PPM1E: variants seen among roughly 807,000 people sequenced by gnomAD.
The protein encoded by PPM1E is protein phosphatase 1E.
PPM1E carries 20 observed loss-of-function variants against 65.9 expected under a neutral mutation model. The observed-to-expected ratio is 0.30, with a 90% CI of 0.21 to 0.44. The LOEUF (loss-of-function observed/expected upper bound fraction) is 0.44. PPM1E is among the 20% of genes least tolerant of loss of function. PPM1E has a pLI of 1.00. For synonymous variants in PPM1E, 352 were observed against 374.9 expected (o/e 0.94, Z 0.70); for missense variants, 713 against 953.1 (o/e 0.75, Z 3.32).
At chr17:58,842,148 A>G (rs1598605267) in intron 1 of PPM1E, among the ~76,000 whole-genome samples, 1 of 152,150 alleles carries the variant, frequency 6.6e-6, no homozygotes, top group East Asian at 1.9e-4. Flanking sequence ...CCAGCCTGAG[A>G]AAAACAAATT....
rs1372420335 is a variant in PPM1E at position 58,985,019 on chromosome 17, CAAAT to C, written c.*3993_*3996del. On this transcript the variant is annotated 3_prime_UTR_variant, in exon 7 of 7. Coordinates refer to ENST00000308249, the MANE Select transcript of PPM1E (RefSeq NM_014906.5). ...GCGAATGAAGTGAATAATTTCTTAC[CAAAT>C]AAATTTATCAATTTACAAATCTGCT... The C allele has an allele frequency of 1.3e-5, 2 of 152,544 alleles. No homozygotes were observed. The highest frequency in any genetic ancestry group is 6.6e-5 in the Admixed American group (1 of 15,264). 9.4% of individuals were successfully genotyped at this position (152,544 alleles called of 1,614,324 possible).
At chr17:58,972,549 C>T (rs868381821) in intron 5 of PPM1E, among the ~76,000 whole-genome samples, 1 of 152,118 alleles carries the variant, frequency 6.6e-6, no homozygotes, top group Non-Finnish European at 1.5e-5. Context: ...CGGGGTTTCA[C>T]CATGTTGGCC....
intron 1 of PPM1E, among the ~76,000 whole-genome samples, chr17:58,783,590 T>G (rs946192440): frequency 1.9e-4 from 29 of 152,126 alleles, no homozygotes; most frequent in African/African-American, 6.8e-4. Context: ...TTAGACTTAA[T>G]CTAGCCATAA....
At chr17:58,879,675 A>AT (rs2051170027) in intron 1 of PPM1E, among the ~76,000 whole-genome samples, 1 of 151,366 alleles carries the variant, frequency 6.6e-6, no homozygotes, top group Non-Finnish European at 1.5e-5. Flanking sequence ...CGCCTGGCTA[A>AT]TTTTTTTGTA....
At chr17:58,947,536 CTT>C (rs78877158) in intron 1 of PPM1E, among the ~76,000 whole-genome samples, 12 of 130,320 alleles carry the variant, frequency 9.2e-5, no homozygotes, top group Admixed American at 1.6e-4. Context: ...TGCACCTGGC[CTT>C]TTTTTTTTTT....
chr17:58,795,807 A>G (rs560974274), intron 1 of PPM1E, among the ~76,000 whole-genome samples: 1 of 152,144 alleles, frequency 6.6e-6, no homozygotes. Flanking sequence ...GTATTTTTTC[A>G]TATGTTTGCT....
At chr17:58,947,645 A>G (rs189228007) in intron 1 of PPM1E, among the ~76,000 whole-genome samples, 5 of 148,558 alleles carry the variant, frequency 3.4e-5, no homozygotes, top group East Asian at 2.0e-4. Context: ...AGATTTTGCC[A>G]TTTCTCTTTA....
At chr17:58,757,691 C>G (rs1054150629) in intron 1 of PPM1E, among the ~76,000 whole-genome samples, 1 of 152,184 alleles carries the variant, frequency 6.6e-6, no homozygotes, top group Non-Finnish European at 1.5e-5. Flanking sequence ...AGATCATTCT[C>G]CTGTTAAAGC....
At position 58,946,377 on chromosome 17, in the gene PPM1E, G is replaced by A. The variant is rs917820538; in HGVS notation, c.465-9272G>A. 2.6e-5 allele frequency among the ~76,000 whole-genome samples: 4 copies of A among 152,128 alleles called. No homozygotes were observed. The East Asian group carries it at 7.7e-4, about 29-fold the overall frequency. On this transcript the variant is annotated intron_variant, in intron 1 of 6. Transcript: ENST00000308249. ...ATTTGTATATCTTCTTTGGAAAAAAGCCTTTGGGTTGTCTTTTTATTATTG... is the reference window on the plus strand; with the variant it reads ...ATTTGTATATCTTCTTTGGAAAAAAACCTTTGGGTTGTCTTTTTATTATTG...
chr17:58,973,042 C>A, intron 6 of PPM1E, 117 bp downstream of exon 6: 2 of 639,832 alleles, frequency 3.1e-6, no homozygotes, highest in Non-Finnish European at 5.5e-6. Context: ...GCTTATTATT[C>A]TTTAAAATAA....
intron 1 of PPM1E, among the ~76,000 whole-genome samples, chr17:58,828,428 A>G (rs1302339706): frequency 6.6e-6 from 1 of 151,878 alleles, no homozygotes. Flanking sequence ...TGGAACCACA[A>G]TGGCAAAGGA....
chr17:58,864,000 G>A (rs1210146775), intron 1 of PPM1E, among the ~76,000 whole-genome samples: 1 of 151,494 alleles, frequency 6.6e-6, no homozygotes, highest in Non-Finnish European at 1.5e-5. Flanking sequence ...TCTCATTTAG[G>A]GCTGCAGGTC....
chr17:58,895,902 G>A (rs1008632296), intron 1 of PPM1E, among the ~76,000 whole-genome samples: 2 of 148,650 alleles, frequency 1.3e-5, no homozygotes, highest in Admixed American at 6.7e-5. Flanking sequence ...TCAGGAGATC[G>A]AGACCATCCT....
At chr17:58,868,614 G>C (rs2051033846) in intron 1 of PPM1E, among the ~76,000 whole-genome samples, 1 of 146,758 alleles carries the variant, frequency 6.8e-6, no homozygotes, top group African/African-American at 2.5e-5. Context: ...GATTGGGTCA[G>C]TTTTGGAGTT....
At chr17:58,823,378 T>C (rs2050500165) in intron 1 of PPM1E, among the ~76,000 whole-genome samples, 2 of 152,184 alleles carry the variant, frequency 1.3e-5, no homozygotes, top group African/African-American at 4.8e-5. Context: ...ACAGGAATGG[T>C]TTCTCAGGAT....
At chr17:58,900,897 A>T (rs994003851) in intron 1 of PPM1E, among the ~76,000 whole-genome samples, 2 of 152,226 alleles carry the variant, frequency 1.3e-5, no homozygotes, top group Admixed American at 1.3e-4. Flanking sequence ...AATGTGCCAG[A>T]CATTATTCTA....
rs536976820 is a variant in PPM1E, at chr17:58,869,417, C to A, written c.465-86232C>A. 5.8e-4 allele frequency among the ~76,000 whole-genome samples: 88 copies of A among 152,172 alleles called. 1 individual carries two copies. The highest frequency in any genetic ancestry group is 2.0e-3 in the African/African-American group (83 of 41,510). Reference sequence around the variant, plus strand: ...TCATTTGTGAGTGGCTTGGTGCCATCCTCACAGTAATGAATGAGTTCTCAT... The same window carrying A: ...TCATTTGTGAGTGGCTTGGTGCCATACTCACAGTAATGAATGAGTTCTCAT... On this transcript the variant is annotated intron_variant, in intron 1 of 6. Transcript: ENST00000308249.
intron 1 of PPM1E, among the ~76,000 whole-genome samples, chr17:58,851,146 C>G (rs2050822143): frequency 6.6e-6 from 1 of 152,134 alleles, no homozygotes; most frequent in African/African-American, 2.4e-5. Context: ...AAGGGCTTCT[C>G]TACAATGTTT....
intron 1 of PPM1E, among the ~76,000 whole-genome samples, chr17:58,860,278 G>T (rs924346078): frequency 2.0e-5 from 3 of 152,146 alleles, no homozygotes; most frequent in African/African-American, 7.2e-5. Flanking sequence ...AACCATCCTG[G>T]GAGTAACCAT....
Sources: gnomAD v4.1 joint callset for allele counts (sites outside exome capture counted in the v4.1 genomes callset) on GRCh38, gnomAD v4.1.1 for gene constraint, MANE v1.5 for transcripts, NCBI Gene and HGNC (gene_info 2026-07-23, HGNC 2026-07-21) for gene names.